RAB31: variants seen among roughly 807,000 people sequenced by gnomAD.
RAB31 encodes the protein ras-related protein Rab-31.
A neutral mutation model predicts 25.6 loss-of-function variants in RAB31; 21 were observed. The ratio of observed to expected loss-of-function variants is 0.82; its 90% CI spans 0.58 to 1.18. The LOEUF is 1.18. Among genes scored for constraint, RAB31 ranks in the 50% most tolerant of loss-of-function variants. The pLI is 0.00. For missense variants in RAB31, 196 were observed against 250.1 expected (o/e 0.78, Z 1.46); for synonymous variants, 87 against 84.0 (o/e 1.04, Z -0.20).
At chr18:9,729,756 G>A (rs770332296) in intron 1 of RAB31, among the ~76,000 whole-genome samples, 1 of 151,102 alleles carries the variant, frequency 6.6e-6, no homozygotes, top group African/African-American at 2.4e-5. Context: ...TCATAAATGA[G>A]ATTTCCATGT....
chr18:9,764,309 CCT>C (rs1473046236), intron 1 of RAB31, among the ~76,000 whole-genome samples: 1 of 152,160 alleles, frequency 6.6e-6, no homozygotes, highest in Non-Finnish European at 1.5e-5. Flanking sequence ...CTTTTTATCC[CCT>C]GTCCTTGCAT....
Position 9,821,144 on chromosome 18 carries a change from A to G in RAB31, c.380+5922A>G, listed in dbSNP as rs192006044. The stretch of plus-strand genomic sequence containing the variant: ...CATTGTTTATTTAATAGCATATGCA[A>G]TTCCCAAATTTTGACTTTTGATCAT... On this transcript the variant is annotated intron_variant, in intron 5 of 6. Transcript: ENST00000578921. 2.6e-4 allele frequency among the ~76,000 whole-genome samples: 39 copies of G among 152,192 alleles called. 1 individual carries two copies. Among genetic ancestry groups the G allele is most frequent in the Admixed American group, 2.4e-3 (36 of 15,284 alleles).
At chr18:9,767,622 T>G (rs139458579) in intron 1 of RAB31, among the ~76,000 whole-genome samples, 1 of 152,206 alleles carries the variant, frequency 6.6e-6, no homozygotes, top group African/African-American at 2.4e-5. Flanking sequence ...AATAAGATAA[T>G]GTGTCTTGAA....
At chr18:9,736,874 C>T (rs1414400276) in intron 1 of RAB31, among the ~76,000 whole-genome samples, 1 of 152,100 alleles carries the variant, frequency 6.6e-6, no homozygotes, top group Non-Finnish European at 1.5e-5. Context: ...TTGCCCCTGT[C>T]ATTTGAAAAG....
At chr18:9,833,699 G>T (rs138956509) in intron 5 of RAB31, among the ~76,000 whole-genome samples, 1 of 152,040 alleles carries the variant, frequency 6.6e-6, no homozygotes, top group African/African-American at 2.4e-5. Flanking sequence ...TTTCATTTTC[G>T]TTTAGAAAAA....
At chr18:9,824,265 T>C (rs1372421181) in intron 5 of RAB31, among the ~76,000 whole-genome samples, 1 of 151,786 alleles carries the variant, frequency 6.6e-6, no homozygotes, top group Non-Finnish European at 1.5e-5. Flanking sequence ...TGAGTGTGTG[T>C]GTAGATGTGT....
chr18:9,712,656 G>A (rs1360230982), intron 1 of RAB31, among the ~76,000 whole-genome samples: 1 of 152,256 alleles, frequency 6.6e-6, no homozygotes. Context: ...GCAGGAGGAA[G>A]GGAGAGAGTG....
rs2068314282 is a variant in RAB31 at position 9,766,045 on chromosome 18, A to G, written c.40-9233A>G. On this transcript the variant is annotated intron_variant, in intron 1 of 6. Coordinates refer to ENST00000578921, the MANE Select transcript of RAB31 (RefSeq NM_006868.4). This position sits in a 1 kb window ranked among gnomAD's most constrained non-coding sequence, Gnocchi z 4.3. ...TGTGGGTTAATATGGAATTTGTGCC[A>G]TATTTCTGTGGGGTTTCTTTGAAAT... 6.6e-6 allele frequency among the ~76,000 whole-genome samples: 1 copy of G among 152,164 alleles called. No individual in the cohort carries two copies. The highest frequency in any genetic ancestry group is 2.4e-5 in the African/African-American group (1 of 41,432).
At chr18:9,767,148 G>A (rs1257088218) in intron 1 of RAB31, among the ~76,000 whole-genome samples, 2 of 152,218 alleles carry the variant, frequency 1.3e-5, no homozygotes, top group Non-Finnish European at 1.5e-5. Flanking sequence ...GGGATGTCAT[G>A]CACAGAGTCA....
intron 1 of RAB31, among the ~76,000 whole-genome samples, chr18:9,739,395 C>T (rs1173444369): frequency 1.3e-5 from 2 of 152,140 alleles, no homozygotes; most frequent in African/African-American, 4.8e-5. Flanking sequence ...TGGCGTGAAC[C>T]TGGGAGGCAG....
chr18:9,762,421 C>T (rs2068293908), intron 1 of RAB31, among the ~76,000 whole-genome samples: 1 of 152,202 alleles, frequency 6.6e-6, no homozygotes, highest in Non-Finnish European at 1.5e-5. Context: ...TGCGAATGCT[C>T]CCTCCAGGAG....
chr18:9,798,343 T>C (rs1381110889), intron 3 of RAB31, among the ~76,000 whole-genome samples: 1 of 152,198 alleles, frequency 6.6e-6, no homozygotes, highest in African/African-American at 2.4e-5. Flanking sequence ...GTAATGGCAA[T>C]TTTTCAATTG....
chr18:9,804,401 G>A (rs1281648858), intron 3 of RAB31, among the ~76,000 whole-genome samples: 1 of 152,146 alleles, frequency 6.6e-6, no homozygotes, highest in Non-Finnish European at 1.5e-5. Flanking sequence ...CTCTTGGGTG[G>A]AGGCCAAGTT....
intron 1 of RAB31, among the ~76,000 whole-genome samples, chr18:9,770,088 T>C (rs901318821): frequency 6.6e-6 from 1 of 152,234 alleles, no homozygotes. Context: ...GGATTCAGTT[T>C]GCCAGTATTT....
chr18:9,742,524 T>G (rs2068185096), intron 1 of RAB31, among the ~76,000 whole-genome samples: 1 of 152,268 alleles, frequency 6.6e-6, no homozygotes, highest in Non-Finnish European at 1.5e-5. Context: ...ACGTGTTTTC[T>G]TCTTCATGGC....
intron 1 of RAB31, among the ~76,000 whole-genome samples, chr18:9,712,641 A>G (rs2068023347): frequency 1.3e-5 from 2 of 152,240 alleles, no homozygotes; most frequent in Admixed American, 6.5e-5. Context: ...ACCATGTGGC[A>G]AGAAGCAGGA....
intron 3 of RAB31, among the ~76,000 whole-genome samples, chr18:9,807,111 G>GCTGGGT (rs770038659): frequency 6.5e-4 from 99 of 152,186 alleles, no homozygotes; most frequent in Non-Finnish European, 1.2e-3. Context: ...GAGAGCTGGG[G>GCTGGGT]CTGGGTCTGA....
chr18:9,756,131 G>A lies in RAB31; in HGVS notation c.40-19147G>A, dbSNP rs2068259403. 2.6e-5 allele frequency among the ~76,000 whole-genome samples: 4 copies of A among 152,276 alleles called. No homozygotes were observed. The South Asian group carries it at 8.3e-4, about 32-fold the overall frequency. On this transcript the variant is annotated intron_variant, in intron 1 of 6. Transcript: ENST00000578921. Reference sequence around the variant, plus strand: ...AGGTCATGTGAGCATGGTAGTTGTGGGGATGCAGTAGATAGGGAGTTAGGG... The same window carrying A: ...AGGTCATGTGAGCATGGTAGTTGTGAGGATGCAGTAGATAGGGAGTTAGGG...
intron 6 of RAB31, among the ~76,000 whole-genome samples, chr18:9,848,545 A>G (rs2068773271): frequency 6.6e-6 from 1 of 152,224 alleles, no homozygotes; most frequent in Non-Finnish European, 1.5e-5. Context: ...AATTTAAAAC[A>G]CAATTCCAAG....
Sources: gnomAD v4.1 joint callset for allele counts (sites outside exome capture counted in the v4.1 genomes callset) on GRCh38, gnomAD v4.1.1 for gene constraint, Gnocchi (gnomAD v3.1) non-coding constraint, MANE v1.5 for transcripts, NCBI Gene and HGNC (gene_info 2026-07-23, HGNC 2026-07-21) for gene names.